ADCK1: variants seen among roughly 807,000 people sequenced by gnomAD.
The protein encoded by ADCK1 is aarF domain-containing protein kinase 1.
A neutral mutation model predicts 52.3 loss-of-function variants in ADCK1; 41 were observed. That is an observed-to-expected ratio of 0.78 (90% CI 0.61 to 1.02). The LOEUF (loss-of-function observed/expected upper bound fraction) is 1.02, where lower values mean the gene tolerates loss of function less well. ADCK1 is among the 50% of genes least tolerant of loss of function. ADCK1 has a pLI of 0.00. For synonymous variants in ADCK1, 250 were observed against 274.6 expected, an observed-to-expected ratio of 0.91 and a Z score of 0.89; for missense variants, 658 against 679.5, an observed-to-expected ratio of 0.97 and a Z score of 0.35.
chr14:77,867,822 TG>T (rs1453695816), intron 4 of ADCK1, among the ~76,000 whole-genome samples: 1 of 152,252 alleles, frequency 6.6e-6, no homozygotes, highest in African/African-American at 2.4e-5. Flanking sequence ...TTTGTGATTT[TG>T]CTGAGCCTTG....
intron 5 of ADCK1, among the ~76,000 whole-genome samples, chr14:77,889,762 A>G (rs1375512649): frequency 6.6e-6 from 1 of 152,200 alleles, no homozygotes; most frequent in Non-Finnish European, 1.5e-5. Flanking sequence ...GCAGTTTTGG[A>G]TAGGGATATC....
chr14:77,873,047 A>G (rs2082820136), intron 4 of ADCK1, among the ~76,000 whole-genome samples: 1 of 151,992 alleles, frequency 6.6e-6, no homozygotes, highest in South Asian at 2.1e-4. Flanking sequence ...TTTTGGTTAC[A>G]TGGGTAAGTT....
At chr14:77,855,428 G>A (rs1241573976) in intron 3 of ADCK1, among the ~76,000 whole-genome samples, 1 of 152,196 alleles carries the variant, frequency 6.6e-6, no homozygotes, top group African/African-American at 2.4e-5. Context: ...CTTCTATGTG[G>A]TGAAATTGGG....
At chr14:77,845,599 A>G (rs1253810057) in intron 3 of ADCK1, among the ~76,000 whole-genome samples, 1 of 151,902 alleles carries the variant, frequency 6.6e-6, no homozygotes, top group East Asian at 1.9e-4. Context: ...TCATTTTTGT[A>G]TTTTTAGTAG....
At chr14:77,854,232 G>A (rs2140125579) in intron 3 of ADCK1, among the ~76,000 whole-genome samples, 1 of 152,252 alleles carries the variant, frequency 6.6e-6, no homozygotes, top group Non-Finnish European at 1.5e-5. Context: ...GGAGTGGTGG[G>A]AAAGTCAGGC....
At chr14:77,824,808 G>A (rs2081659079) in intron 3 of ADCK1, among the ~76,000 whole-genome samples, 1 of 152,130 alleles carries the variant, frequency 6.6e-6, no homozygotes. Flanking sequence ...TATTAAGGTT[G>A]ACATTTTCTA....
chr14:77,802,308 G>A (rs1055936828), intron 1 of ADCK1, among the ~76,000 whole-genome samples: 1 of 152,046 alleles, frequency 6.6e-6, no homozygotes, highest in Admixed American at 6.6e-5. Flanking sequence ...TCTCTTACCT[G>A]CTGCTTGCTC....
chr14:77,819,953 G>T (rs531766438), intron 2 of ADCK1, among the ~76,000 whole-genome samples: 8 of 152,324 alleles, frequency 5.3e-5, no homozygotes, highest in Admixed American at 4.6e-4. Flanking sequence ...GCACTGATGT[G>T]CCTGTCTTCA....
At chr14:77,899,001 C>A (rs2083471261) in intron 5 of ADCK1, 99 bp from the exon 6 acceptor site, 3 of 1,493,194 alleles carry the variant, frequency 2.0e-6, no homozygotes, top group Non-Finnish European at 2.7e-6. Context: ...CCCAGGGGAG[C>A]AGTTTCCCTT....
intron 3 of ADCK1, among the ~76,000 whole-genome samples, chr14:77,839,918 CAAAAAAA>C (rs10581300): frequency 4.3e-5 from 3 of 69,696 alleles, no homozygotes; most frequent in Non-Finnish European, 7.6e-5. Flanking sequence ...GACCCTGTCT[CAAAAAAA>C]AAAAAAAAAA....
intron 9 of ADCK1, among the ~76,000 whole-genome samples, chr14:77,930,041 T>G (rs2084290978): frequency 6.6e-6 from 1 of 152,134 alleles, no homozygotes. Context: ...GGATGTGTCT[T>G]AGCTGGAGAC....
chr14:77,820,537 GC>G (rs953549211), intron 2 of ADCK1, among the ~76,000 whole-genome samples: 2 of 151,510 alleles, frequency 1.3e-5, no homozygotes, highest in African/African-American at 2.4e-5. Flanking sequence ...TCGCTATGTT[GC>G]CCAGGATTGT....
intron 4 of ADCK1, among the ~76,000 whole-genome samples, chr14:77,884,377 C>CG (rs1250789456): frequency 6.6e-6 from 1 of 152,140 alleles, no homozygotes. Context: ...AGGACATTGC[C>CG]GAGGCTCTGC....
At chr14:77,913,438 C>T (rs985969279) in intron 7 of ADCK1, among the ~76,000 whole-genome samples, 1 of 152,190 alleles carries the variant, frequency 6.6e-6, no homozygotes, top group African/African-American at 2.4e-5. Flanking sequence ...TGTCTGTGAG[C>T]CCAGAAGCAG....
intron 1 of ADCK1, among the ~76,000 whole-genome samples, chr14:77,800,577 G>A (rs1273958911): frequency 6.6e-6 from 1 of 152,250 alleles, no homozygotes; most frequent in Non-Finnish European, 1.5e-5. Context: ...GCTGGAGCTG[G>A]AGCGTGGTCT....
chr14:77,805,782 C>G (rs1465833928), intron 1 of ADCK1, among the ~76,000 whole-genome samples: 1 of 151,760 alleles, frequency 6.6e-6, no homozygotes, highest in African/African-American at 2.4e-5. Context: ...AGAACTTGTC[C>G]AGGGGGCTCA....
intron 3 of ADCK1, among the ~76,000 whole-genome samples, chr14:77,847,456 G>A (rs1248268629): frequency 1.3e-5 from 2 of 152,190 alleles, no homozygotes; most frequent in African/African-American, 4.8e-5. Flanking sequence ...TGTAGTCCCA[G>A]CTACACAGAA....
At chr14:77,814,814 G>A (rs2140016131) in intron 1 of ADCK1, among the ~76,000 whole-genome samples, 1 of 151,442 alleles carries the variant, frequency 6.6e-6, no homozygotes, top group East Asian at 1.9e-4. Flanking sequence ...TACCCCTAGA[G>A]TTGGTAGTTC....
At chr14:77,889,342 T>C (rs1009928858) in intron 5 of ADCK1, among the ~76,000 whole-genome samples, 1 of 152,210 alleles carries the variant, frequency 6.6e-6, no homozygotes, top group Admixed American at 6.5e-5. Context: ...GTGAGGTGAA[T>C]GTGGTCTCTT....
Sources: gnomAD v4.1 joint callset for allele counts (sites outside exome capture counted in the v4.1 genomes callset) on GRCh38, gnomAD v4.1.1 for gene constraint, MANE v1.5 for transcripts, NCBI Gene and HGNC (gene_info 2026-07-23, HGNC 2026-07-21) for gene names.